Variants in EIF3H observed in about 807,000 individuals in gnomAD.
EIF3H encodes the protein eukaryotic translation initiation factor 3 subunit H, also known as eIF-3-gamma.
Under a neutral mutation model 44.2 loss-of-function variants are expected in EIF3H, and 26 were observed. The observed-to-expected ratio is 0.59, with a 90% CI of 0.43 to 0.82. The LOEUF (loss-of-function observed/expected upper bound fraction) is 0.82, where lower values mean the gene tolerates loss of function less well. Ranked by LOEUF, EIF3H falls within the 40% of genes least tolerant of loss-of-function variation. The probability of loss-of-function intolerance (pLI) is 0.00; values close to 1 mark genes in which losing one functional copy is unlikely to be tolerated. For missense variants in EIF3H, 359 were observed against 432.8 expected, an observed-to-expected ratio of 0.83 and a Z score of 1.51; for synonymous variants, 166 against 151.9, an observed-to-expected ratio of 1.09 and a Z score of -0.68.
At chr8:116,717,389 G>GA (rs1178971673) in intron 2 of EIF3H, among the ~76,000 whole-genome samples, 1 of 151,970 alleles carries the variant, frequency 6.6e-6, no homozygotes, top group African/African-American at 2.4e-5. Flanking sequence ...CACAGAACTA[G>GA]AAAAAACAAT....
In EIF3H at chr8:116,660,042, G is replaced by A. The variant is rs115656740; in HGVS notation, c.290-1062C>T. Among the ~76,000 whole-genome samples the A allele has an allele frequency of 4.4e-3, 675 of 151,940 alleles. 3 individuals carry two copies. Among genetic ancestry groups the A allele is most frequent in the African/African-American group, 0.015 (637 of 41,426 alleles). Reference sequence around the variant, plus strand: ...GCTGGGACTACAGGTGTGAACCACCGCACCCGGCTAATTTTTGTATTGTTT... The same window carrying A: ...GCTGGGACTACAGGTGTGAACCACCACACCCGGCTAATTTTTGTATTGTTT... On this transcript the variant is annotated intron_variant, in intron 2 of 7. Transcript: ENST00000521861.
At chr8:116,668,667 A>G (rs1053474586) in intron 2 of EIF3H, among the ~76,000 whole-genome samples, 4 of 152,084 alleles carry the variant, frequency 2.6e-5, no homozygotes, top group Non-Finnish European at 5.9e-5. Context: ...GACCGGCGAC[A>G]AATTAACTAG....
chr8:116,735,856 T>G (rs1815029057), intron 1 of EIF3H, among the ~76,000 whole-genome samples: 1 of 151,916 alleles, frequency 6.6e-6, no homozygotes, highest in South Asian at 2.1e-4. Flanking sequence ...TTTTTTCCCT[T>G]GGAGACCCCG....
intron 2 of EIF3H, among the ~76,000 whole-genome samples, chr8:116,668,442 T>C (rs1385946079): frequency 6.6e-6 from 1 of 152,198 alleles, no homozygotes; most frequent in Non-Finnish European, 1.5e-5. Flanking sequence ...AATTATTCAA[T>C]GCATACAATG....
chr8:116,652,277 G>A (rs1813407301), intron 5 of EIF3H, among the ~76,000 whole-genome samples: 1 of 152,328 alleles, frequency 6.6e-6, no homozygotes, highest in Non-Finnish European at 1.5e-5. Context: ...TGACTTTGGA[G>A]GGAGGTCTTA....
At chr8:116,715,835 G>C (rs1814651706) in intron 2 of EIF3H, among the ~76,000 whole-genome samples, 1 of 152,038 alleles carries the variant, frequency 6.6e-6, no homozygotes, top group Non-Finnish European at 1.5e-5. Context: ...TTAGTCTCCA[G>C]TTCTGCTAAG....
intron 2 of EIF3H, among the ~76,000 whole-genome samples, chr8:116,705,243 C>T (rs1022921097): frequency 6.6e-6 from 1 of 152,160 alleles, no homozygotes; most frequent in African/African-American, 2.4e-5. Context: ...TATATTTATA[C>T]ATTTACCCAT....
At chr8:116,728,668 G>A (rs562122493) in intron 1 of EIF3H, among the ~76,000 whole-genome samples, 11 of 152,188 alleles carry the variant, frequency 7.2e-5, no homozygotes, top group African/African-American at 2.6e-4. Flanking sequence ...CGAAATGAAA[G>A]TGCACAACCT....
At chr8:116,651,037 G>T (rs1398192321) in intron 5 of EIF3H, among the ~76,000 whole-genome samples, 1 of 152,156 alleles carries the variant, frequency 6.6e-6, no homozygotes, top group Non-Finnish European at 1.5e-5. Flanking sequence ...AATGGGTTTG[G>T]GTTCCCGTTC....
Position 116,644,739 on chromosome 8 carries a change from G to T in EIF3H, c.*267C>A. 1 of 355,808 alleles carries T rather than the reference G, an allele frequency of 2.8e-6. No individual in the cohort carries two copies. Among genetic ancestry groups the T allele is most frequent in the Non-Finnish European group, 5.1e-6 (1 of 194,446 alleles). 22.0% of individuals were successfully genotyped at this position (355,808 alleles called of 1,614,324 possible). The stretch of plus-strand genomic sequence containing the variant: ...TAGGTTTCTGCCTGGTGAAACTTCC[G>T]GTCAGGGCTTGTTTTAGCTTTTAGA... On this transcript the variant is annotated 3_prime_UTR_variant, in exon 8 of 8. Coordinates refer to ENST00000521861, the MANE Select transcript of EIF3H (RefSeq NM_003756.3).
chr8:116,689,333 C>A (rs570777438), intron 2 of EIF3H, among the ~76,000 whole-genome samples: 1 of 152,158 alleles, frequency 6.6e-6, no homozygotes, highest in South Asian at 2.1e-4. Flanking sequence ...TTGACGCTAG[C>A]GATGGATGCA....
intron 1 of EIF3H, among the ~76,000 whole-genome samples, chr8:116,731,434 G>GAA (rs1814948565): frequency 6.6e-6 from 1 of 152,108 alleles, no homozygotes; most frequent in Non-Finnish European, 1.5e-5. Flanking sequence ...GAAGTTGTAT[G>GAA]GCCTAGCTTT....
intron 1 of EIF3H, among the ~76,000 whole-genome samples, chr8:116,752,188 G>T: frequency 6.6e-6 from 1 of 152,174 alleles, no homozygotes; most frequent in East Asian, 1.9e-4. Flanking sequence ...AGGGATAGTG[G>T]CAATCATTTT....
intron 5 of EIF3H, among the ~76,000 whole-genome samples, chr8:116,650,132 T>C (rs927025426): frequency 1.3e-5 from 2 of 152,218 alleles, no homozygotes; most frequent in African/African-American, 4.8e-5. Flanking sequence ...GAGTTGTGCA[T>C]GTTTATGACA....
intron 2 of EIF3H, among the ~76,000 whole-genome samples, chr8:116,724,257 C>T (rs1371363500): frequency 2.6e-5 from 4 of 152,088 alleles, no homozygotes; most frequent in South Asian, 2.1e-4. Context: ...TATCCACATG[C>T]CAAAGAACGA....
At chr8:116,752,670 AAGAAAGAAAGAAAGAAAG>A (rs1815361685) in intron 1 of EIF3H, among the ~76,000 whole-genome samples, 1 of 18,126 alleles carries the variant, frequency 5.5e-5, no homozygotes, top group African/African-American at 1.7e-4. Flanking sequence ...GAAATGAAGA[AAGAAAGAAAGAAAGAAAG>A]AAAGAAAGAA....
intron 2 of EIF3H, among the ~76,000 whole-genome samples, chr8:116,712,118 G>A (rs138547691): frequency 0.03 from 4,623 of 152,294 alleles, 90 homozygotes; most frequent in South Asian, 0.07. Context: ...CGCCGCCGCT[G>A]CTGCTGCTGT....
At chr8:116,690,912 G>A (rs1814163298) in intron 2 of EIF3H, among the ~76,000 whole-genome samples, 1 of 152,068 alleles carries the variant, frequency 6.6e-6, no homozygotes, top group Non-Finnish European at 1.5e-5. Flanking sequence ...CACATTAAAG[G>A]CTCTGATAAG....
At chr8:116,692,413 A>T (rs972659473) in intron 2 of EIF3H, among the ~76,000 whole-genome samples, 17 of 151,472 alleles carry the variant, frequency 1.1e-4, no homozygotes, top group Admixed American at 3.9e-4. Flanking sequence ...TGATTATATT[A>T]AAAAAAAGCA....
Sources: allele counts gnomAD v4.1 joint callset (sites outside exome capture counted in the v4.1 genomes callset), GRCh38; gene constraint gnomAD v4.1.1; transcripts MANE v1.5; gene names NCBI Gene and HGNC (gene_info 2026-07-23, HGNC 2026-07-21).